Variants in ARMC9 observed in about 807,000 individuals in gnomAD.
The protein encoded by ARMC9 is lisH domain-containing protein ARMC9.
A neutral mutation model predicts 107.0 loss-of-function variants in ARMC9; 94 were observed. That is an observed-to-expected ratio of 0.88 (90% CI 0.74 to 1.04). The LOEUF (loss-of-function observed/expected upper bound fraction) is 1.04, where lower values mean the gene tolerates loss of function less well. Among genes scored for constraint, ARMC9 ranks in the 50% least tolerant of loss-of-function variants. The pLI, the probability that ARMC9 is intolerant of heterozygous loss-of-function variation, is 0.00. For synonymous variants in ARMC9, 380 were observed against 396.9 expected (o/e 0.96, Z 0.51); for missense variants, 942 against 1,030.1 (o/e 0.91, Z 1.17).
chr2:231,354,755 G>A (rs1194908990), intron 21 of ARMC9, among the ~76,000 whole-genome samples: 2 of 152,204 alleles, frequency 1.3e-5, no homozygotes, highest in Non-Finnish European at 2.9e-5. Context: ...CTTGTCGTGT[G>A]TTCCCCACTG....
intron 20 of ARMC9, among the ~76,000 whole-genome samples, chr2:231,339,122 G>A (rs958375052): frequency 1.3e-5 from 2 of 152,152 alleles, no homozygotes; most frequent in Non-Finnish European, 2.9e-5. Flanking sequence ...GAGGTCAGGA[G>A]TTCAAGACCA....
chr2:231,342,253 G>A (rs1195885746), intron 20 of ARMC9, among the ~76,000 whole-genome samples: 2 of 152,232 alleles, frequency 1.3e-5, no homozygotes, highest in Non-Finnish European at 2.9e-5. Context: ...CAACAGACCA[G>A]GCAGTGCTGG....
intron 1 of ARMC9, among the ~76,000 whole-genome samples, chr2:231,205,369 C>CA (rs966954562): frequency 7.4e-5 from 11 of 149,194 alleles, no homozygotes; most frequent in East Asian, 2.0e-4. Flanking sequence ...GATCCCATCT[C>CA]AAAAAAAAAA....
At chr2:231,217,440 C>T (rs566944799) in intron 5 of ARMC9, among the ~76,000 whole-genome samples, 34 of 151,938 alleles carry the variant, frequency 2.2e-4, no homozygotes, top group African/African-American at 6.8e-4. Context: ...AAAAATTAGC[C>T]GGGTGTGTAA....
intron 17 of ARMC9, among the ~76,000 whole-genome samples, chr2:231,287,050 G>T (rs1246865111): frequency 6.6e-6 from 1 of 152,196 alleles, no homozygotes; most frequent in South Asian, 2.1e-4. Flanking sequence ...TCCTGCCCAG[G>T]GCTGGAGCCG....
chr2:231,337,043 C>G (rs557914749), intron 20 of ARMC9, among the ~76,000 whole-genome samples: 2 of 152,264 alleles, frequency 1.3e-5, no homozygotes, highest in Admixed American at 1.3e-4. Flanking sequence ...CCTGAGAGCT[C>G]CTGCCCCTCT....
rs72985810 is a variant in ARMC9, at chr2:231,268,043, C to T, written c.1120-2939C>T. Among the ~76,000 whole-genome samples the T allele has an allele frequency of 2.3e-3, 351 of 152,234 alleles. 2 individuals carry two copies. Among genetic ancestry groups the T allele is most frequent in the Non-Finnish European group, 4.1e-3 (279 of 68,018 alleles). On this transcript the variant is annotated intron_variant, in intron 12 of 24. Coordinates refer to ENST00000611582, the MANE Select transcript of ARMC9 (RefSeq NM_001352754.2). ...CCTTGAGCAATGAGAAGGAACACAG[C>T]AGAGACCCTGGGTGAATATCACAGA...
chr2:231,264,883 G>T (rs1289989217), intron 12 of ARMC9, among the ~76,000 whole-genome samples: 1 of 152,006 alleles, frequency 6.6e-6, no homozygotes, highest in Non-Finnish European at 1.5e-5. Context: ...GAGGCGGGTG[G>T]ATCAGGAGGT....
At chr2:231,241,059 G>A (rs574206688) in intron 9 of ARMC9, among the ~76,000 whole-genome samples, 26 of 152,080 alleles carry the variant, frequency 1.7e-4, no homozygotes, top group African/African-American at 5.5e-4. Flanking sequence ...TTAGCCAAGC[G>A]TGGTGGTGGG....
intron 6 of ARMC9, among the ~76,000 whole-genome samples, chr2:231,225,317 T>C (rs1206651809): frequency 1.3e-5 from 2 of 152,182 alleles, no homozygotes; most frequent in African/African-American, 2.4e-5. Flanking sequence ...GACCCAGGAA[T>C]TGGTCCAGGC....
At chr2:231,309,589 G>C (rs2042222479) in intron 19 of ARMC9, among the ~76,000 whole-genome samples, 1 of 152,090 alleles carries the variant, frequency 6.6e-6, no homozygotes, top group African/African-American at 2.4e-5. Context: ...TCTGGGTCTA[G>C]AAATATGACT....
At chr2:231,334,642 T>C (rs2043962263) in intron 20 of ARMC9, among the ~76,000 whole-genome samples, 1 of 152,256 alleles carries the variant, frequency 6.6e-6, no homozygotes, top group Non-Finnish European at 1.5e-5. Context: ...CTCATGAATA[T>C]TTTGATTAGA....
chr2:231,286,318 G>A (rs1222104919), intron 17 of ARMC9, among the ~76,000 whole-genome samples: 1 of 152,142 alleles, frequency 6.6e-6, no homozygotes, highest in Non-Finnish European at 1.5e-5. Context: ...GTTTCACCGT[G>A]TTGGCCAGGC....
At position 231,222,726 on chromosome 2, in the gene ARMC9, A is replaced by T; in HGVS notation, c.505-2A>T. The T allele has an allele frequency of 6.7e-7, 1 of 1,493,528 alleles. No homozygotes were observed. Among genetic ancestry groups the T allele is most frequent in the Non-Finnish European group, 9.2e-7 (1 of 1,081,858 alleles). 92.5% of individuals were successfully genotyped at this position (1,493,528 alleles called of 1,614,324 possible). A position where few individuals can be genotyped will look rare whatever the true frequency, so the allele number is the denominator to read the frequency against. On this transcript the variant is annotated splice_acceptor_variant, in intron 5 of 24. Transcript: ENST00000611582. LOFTEE classifies it high-confidence loss of function. ...TGTATTTTTGTTCCCTTTTTTCTTT[A>T]GGATTCCTGGACTCCAGAGTTAAAG...
In ARMC9 at chr2:231,360,904, C is replaced by G. The variant is rs2045546902; in HGVS notation, c.2261+21C>G. On this transcript the variant is annotated intron_variant, in intron 23 of 24. Transcript: ENST00000611582. The surrounding 1 kb of genome is among the most constrained non-coding windows in gnomAD (Gnocchi z 4.7). The stretch of plus-strand genomic sequence containing the variant: ...ACCAGGTAAGGGGGATATCACAAGG[C>G]CTCGAACCTGACTCTCGGAGCTCTG... The G allele has an allele frequency of 6.7e-7, 1 of 1,499,886 alleles. No individual in the cohort carries two copies. The highest frequency in any genetic ancestry group is 2.5e-5 in the East Asian group (1 of 40,626). The allele number at this position is 1,499,886 out of a possible 1,614,324, so 92.9% of individuals were successfully genotyped here.
At chr2:231,209,425 A>G (rs982021915) in intron 3 of ARMC9, among the ~76,000 whole-genome samples, 2 of 152,240 alleles carry the variant, frequency 1.3e-5, no homozygotes, top group Admixed American at 1.3e-4. Context: ...TTTGATGTCT[A>G]AATCTCATTT....
intron 19 of ARMC9, among the ~76,000 whole-genome samples, chr2:231,302,459 T>TTTTTC (rs1559431380): frequency 7.5e-5 from 11 of 146,388 alleles, no homozygotes; most frequent in South Asian, 4.4e-4. Context: ...TTTTTTTTTT[T>TTTTTC]TTTGCCAATC....
chr2:231,295,567 A>G (rs758795008), intron 18 of ARMC9: 3 of 152,312 alleles, frequency 2.0e-5, no homozygotes, highest in Non-Finnish European at 4.4e-5. Context: ...CATTCTACAG[A>G]GGAGGAAGCC....
chr2:231,364,071 C>G (rs974039294), intron 23 of ARMC9, among the ~76,000 whole-genome samples: 1 of 152,140 alleles, frequency 6.6e-6, no homozygotes. Flanking sequence ...ATTTATCCTG[C>G]GAAGAGCCAA....
Sources: gnomAD v4.1 joint callset for allele counts (sites outside exome capture counted in the v4.1 genomes callset) on GRCh38, gnomAD v4.1.1 for gene constraint, Gnocchi (gnomAD v3.1) non-coding constraint, MANE v1.5 for transcripts, NCBI Gene and HGNC (gene_info 2026-07-23, HGNC 2026-07-21) for gene names.